Variants in MRAP2 observed in about 807,000 individuals in gnomAD.
MRAP2 encodes the protein melanocortin 2 receptor accessory protein 2.
A neutral mutation model predicts 17.4 loss-of-function variants in MRAP2; 20 were observed. That is an observed-to-expected ratio of 1.15 (90% confidence interval 0.81 to 1.67). The LOEUF is 1.67. Ranked by LOEUF, MRAP2 falls within the 40% of genes most tolerant of loss-of-function variation. The pLI, the probability that MRAP2 is intolerant of heterozygous loss-of-function variation, is 0.00. For synonymous variants in MRAP2, 96 were observed against 88.4 expected (o/e 1.09, Z -0.48); for missense variants, 238 against 240.0 (o/e 0.99, Z 0.05).
chr6:84,085,345 C>T (rs887744897), intron 3 of MRAP2, among the ~76,000 whole-genome samples: 6 of 152,148 alleles, frequency 3.9e-5, no homozygotes, highest in African/African-American at 4.8e-5. Flanking sequence ...TGAGACACCG[C>T]GCCCGGCCCC....
intron 1 of MRAP2, among the ~76,000 whole-genome samples, chr6:84,047,084 G>T (rs1250013401): frequency 6.6e-6 from 1 of 151,922 alleles, no homozygotes; most frequent in East Asian, 1.9e-4. Context: ...CATCCTCTGG[G>T]GTTCTCTTTT....
intron 3 of MRAP2, among the ~76,000 whole-genome samples, chr6:84,072,186 C>T (rs186174381): frequency 1.5e-3 from 222 of 152,208 alleles, no homozygotes; most frequent in African/African-American, 4.7e-3. Context: ...TTTCTGGTTT[C>T]TTCTCATTTG....
intron 3 of MRAP2, among the ~76,000 whole-genome samples, chr6:84,080,613 A>G (rs1050335477): frequency 1.3e-5 from 2 of 152,152 alleles, no homozygotes; most frequent in Admixed American, 1.3e-4. Context: ...GGCTAAGTCT[A>G]CCTGAAGTCC....
rs772804049 is a variant in MRAP2, at chr6:84,055,324, C to T, written c.6C>T (p.Ser2=). M[S]AQRLISNRTS... is the part of the protein sequence containing the mutation. ...TCCATTTGTGCAGGTCGGAGATGTC[C>T]GCCCAGAGGTTAATTTCTAACAGAA... Residue 2 remains serine, a synonymous_variant, in exon 2 of 4, where the codon TCC becomes TCT. Coordinates refer to ENST00000257776, the MANE Select transcript of MRAP2 (RefSeq NM_138409.4). 9.3e-6 allele frequency: 15 copies of T among 1,612,532 alleles called. No individual in the cohort carries two copies. Among genetic ancestry groups the T allele is most frequent in the East Asian group, 4.5e-5 (2 of 44,846 alleles).
the MRAP2 span, among the ~76,000 whole-genome samples, chr6:84,121,635 C>T: frequency 1.3e-5 from 2 of 152,204 alleles, no homozygotes; most frequent in Admixed American, 6.5e-5. Flanking sequence ...CGGAGTAAGA[C>T]TCCGTCTCAA....
At chr6:84,104,416 T>C in the MRAP2 span, among the ~76,000 whole-genome samples, 1 of 152,376 alleles carries the variant, frequency 6.6e-6, no homozygotes, top group African/African-American at 2.4e-5. Flanking sequence ...TATGCAAATC[T>C]CTGCAGCTGG....
intron 3 of MRAP2, among the ~76,000 whole-genome samples, chr6:84,086,706 C>T (rs1400980613): frequency 6.6e-6 from 1 of 152,068 alleles, no homozygotes; most frequent in African/African-American, 2.4e-5. Flanking sequence ...GAGGGGGTGG[C>T]CATGGGAGCA....
the MRAP2 span, among the ~76,000 whole-genome samples, chr6:84,130,522 C>G: frequency 2.0e-5 from 3 of 152,172 alleles, no homozygotes. Flanking sequence ...TTAATTACTC[C>G]CTCAATTTCA....
At chr6:84,115,875 C>A in the MRAP2 span, among the ~76,000 whole-genome samples, 2 of 152,108 alleles carry the variant, frequency 1.3e-5, no homozygotes, top group African/African-American at 4.8e-5. Flanking sequence ...GGTGAGGCCC[C>A]ACCCTGCTTC....
chr6:84,118,620 A>C, the MRAP2 span, among the ~76,000 whole-genome samples: 1 of 152,288 alleles, frequency 6.6e-6, no homozygotes, highest in African/African-American at 2.4e-5. Context: ...AGTTGACCAA[A>C]CAGCTAAGGT....
chr6:84,044,809 T>G (rs2099488550), intron 1 of MRAP2, among the ~76,000 whole-genome samples: 1 of 152,254 alleles, frequency 6.6e-6, no homozygotes, highest in Non-Finnish European at 1.5e-5. Flanking sequence ...CACAATTCAG[T>G]ACATACGGCA....
At chr6:84,139,933 G>GCTGGTGTGTTCACAGTTCTCACCAGA in the MRAP2 span, among the ~76,000 whole-genome samples, 3,659 of 151,254 alleles carry the variant, frequency 0.024, 144 homozygotes, top group African/African-American at 0.086. Context: ...ACCCTCTCAG[G>GCTGGTGTGTTCACAGTTCTCACCAGA]CTGGTGTGTT....
chr6:84,093,893 A>T, downstream of MRAP2, among the ~76,000 whole-genome samples: 1 of 152,186 alleles, frequency 6.6e-6, no homozygotes, highest in East Asian at 1.9e-4. Context: ...AGCTTCTTGG[A>T]TCTTCTTTTG....
chr6:84,081,840 G>A (rs540719315), intron 3 of MRAP2, among the ~76,000 whole-genome samples: 75 of 152,166 alleles, frequency 4.9e-4, no homozygotes, highest in African/African-American at 1.8e-3. Flanking sequence ...ATGAATGAAT[G>A]AATAAATAAA....
At chr6:84,107,858 T>G in the MRAP2 span, among the ~76,000 whole-genome samples, 1 of 152,222 alleles carries the variant, frequency 6.6e-6, no homozygotes, top group Non-Finnish European at 1.5e-5. Flanking sequence ...AAACCACATG[T>G]GGTACAGTAG....
At chr6:84,101,206 G>A in the MRAP2 span, among the ~76,000 whole-genome samples, 1 of 152,222 alleles carries the variant, frequency 6.6e-6, no homozygotes, top group Non-Finnish European at 1.5e-5. Flanking sequence ...CATCAACTCA[G>A]ACCTACTGAA....
the MRAP2 span, among the ~76,000 whole-genome samples, chr6:84,106,351 T>C: frequency 1.3e-5 from 2 of 152,178 alleles, no homozygotes; most frequent in East Asian, 3.8e-4. Context: ...ATCCACACTG[T>C]CTATTCCACT....
At chr6:84,078,920 C>T (rs943317886) in intron 3 of MRAP2, among the ~76,000 whole-genome samples, 5 of 152,172 alleles carry the variant, frequency 3.3e-5, no homozygotes, top group East Asian at 3.9e-4. Context: ...CAACATGAAA[C>T]GGACTACAAC....
chr6:84,107,416 A>G, the MRAP2 span, among the ~76,000 whole-genome samples: 1 of 152,200 alleles, frequency 6.6e-6, no homozygotes, highest in Non-Finnish European at 1.5e-5. Context: ...CCAGAATTTT[A>G]GTTGATTTTA....
Sources: gnomAD v4.1 joint callset for allele counts (sites outside exome capture counted in the v4.1 genomes callset) on GRCh38, gnomAD v4.1.1 for gene constraint, MANE v1.5 for transcripts, NCBI Gene and HGNC (gene_info 2026-07-23, HGNC 2026-07-21) for gene names.